Variants in UNC79 observed in about 807,000 individuals in gnomAD.
UNC79 encodes protein unc-79 homolog.
In UNC79, 37 loss-of-function variants were observed where a neutral mutation model predicts 283.1. That is an observed-to-expected ratio of 0.13 (90% confidence interval 0.10 to 0.17). UNC79 has a LOEUF of 0.17. Among genes scored for constraint, UNC79 ranks in the 10% least tolerant of loss-of-function variants. The pLI, the probability that UNC79 is intolerant of heterozygous loss-of-function variation, is 1.00. For synonymous variants in UNC79, 1,107 were observed against 1,200.2 expected (o/e 0.92, Z 1.61); for missense variants, 2,272 against 3,211.1 (o/e 0.71, Z 7.07).
chr14:93,688,292 G>A lies in UNC79; in HGVS notation c.6910-373G>A, dbSNP rs7142840. Among the ~76,000 whole-genome samples, 486 of 152,276 alleles carry A rather than the reference G, an allele frequency of 3.2e-3. 3 individuals carry two copies. Among genetic ancestry groups the A allele is most frequent in the African/African-American group, 0.011 (460 of 41,562 alleles). ...GGCAGAAGGCAGCACGGACCTGGCC[G>A]GGGAGGTCAGGGAAGGCTTCCCAGA... On this transcript the variant is annotated intron_variant, in intron 43 of 48. Transcript: ENST00000555664. This position sits in a 1 kb window ranked among gnomAD's most constrained non-coding sequence, Gnocchi z 4.0.
At chr14:93,447,136 C>G (rs753797644) in intron 1 of UNC79, among the ~76,000 whole-genome samples, 1 of 151,776 alleles carries the variant, frequency 6.6e-6, no homozygotes, top group African/African-American at 2.4e-5. Context: ...CTTTTTTATC[C>G]TTGTTAATAT....
intron 14 of UNC79, among the ~76,000 whole-genome samples, chr14:93,569,029 G>C (rs1018247278): frequency 6.6e-6 from 1 of 152,178 alleles, no homozygotes; most frequent in African/African-American, 2.4e-5. Context: ...TTATCAGGAG[G>C]GGAAGTAAAT....
intron 16 of UNC79, 62 bp downstream of exon 16, chr14:93,572,878 C>T (rs2141620868): frequency 6.3e-7 from 1 of 1,578,878 alleles, no homozygotes; most frequent in African/African-American, 1.4e-5. Flanking sequence ...GCTTTAGATC[C>T]CTGGATCGAG....
At chr14:93,534,138 T>A (rs4905076) in intron 11 of UNC79, among the ~76,000 whole-genome samples, 4 of 152,008 alleles carry the variant, frequency 2.6e-5, no homozygotes, top group Admixed American at 6.5e-5. Flanking sequence ...CTATAGCAGC[T>A]CCAGCCATAA....
intron 11 of UNC79, among the ~76,000 whole-genome samples, chr14:93,536,549 A>G (rs754626770): frequency 6.6e-6 from 1 of 152,196 alleles, no homozygotes; most frequent in Non-Finnish European, 1.5e-5. Context: ...TCAATCTACA[A>G]TGGTATAATT....
chr14:93,396,539 T>C (rs1167776058), intron 1 of UNC79, among the ~76,000 whole-genome samples: 4 of 152,120 alleles, frequency 2.6e-5, no homozygotes, highest in African/African-American at 9.7e-5. Flanking sequence ...TTTTAAGTAG[T>C]ATAGTAGTTC....
chr14:93,415,492 G>T (rs2055432946), intron 1 of UNC79, among the ~76,000 whole-genome samples: 1 of 152,006 alleles, frequency 6.6e-6, no homozygotes, highest in Non-Finnish European at 1.5e-5. Flanking sequence ...TTTTTTGGTT[G>T]TGTCTCTGCC....
intron 14 of UNC79, among the ~76,000 whole-genome samples, chr14:93,558,100 G>T (rs1287813031): frequency 6.6e-6 from 1 of 152,204 alleles, no homozygotes; most frequent in African/African-American, 2.4e-5. Context: ...TGACCAATCT[G>T]CAGGGCTGGC....
intron 36 of UNC79, 25 bp downstream of exon 39, chr14:93,653,879 G>GCACCACAAATTTGCCTCATCCCAGA: frequency 6.2e-7 from 1 of 1,614,030 alleles, no homozygotes; most frequent in Non-Finnish European, 8.5e-7. Flanking sequence ...GAGGATCCAG[G>GCACCACAAATTTGCCTCATCCCAGA]CACCACAAAT....
intron 1 of UNC79, among the ~76,000 whole-genome samples, chr14:93,335,437 C>T (rs556669524): frequency 1.3e-5 from 2 of 152,330 alleles, no homozygotes; most frequent in African/African-American, 2.4e-5. Context: ...GATCTTTGTA[C>T]TTAAGGAGCT....
chr14:93,503,922 A>T (rs1392199262), intron 7 of UNC79, among the ~76,000 whole-genome samples: 1 of 151,774 alleles, frequency 6.6e-6, no homozygotes, highest in Non-Finnish European at 1.5e-5. Flanking sequence ...CATCTTTTAG[A>T]TGTATCTGGA....
intron 1 of UNC79, among the ~76,000 whole-genome samples, chr14:93,340,315 G>A (rs1240513821): frequency 6.6e-6 from 1 of 152,000 alleles, no homozygotes; most frequent in Non-Finnish European, 1.5e-5. Context: ...GGTGGCGGGT[G>A]CCTGTAGTCC....
chr14:93,698,476 G>GATTTT lies in UNC79; in HGVS notation c.7548+4064_7548+4065insATTTT, dbSNP rs1555408706. Among the ~76,000 whole-genome samples the GATTTT allele has an allele frequency of 3.9e-4, 31 of 79,112 alleles. 2 individuals carry two copies. Among genetic ancestry groups the GATTTT allele is most frequent in the South Asian group, 1.8e-3 (3 of 1,664 alleles). The allele number at this position is 79,112 out of a possible 152,430, so 51.9% of individuals were successfully genotyped here. A position where few individuals can be genotyped will look rare whatever the true frequency, so the allele number is the denominator to read the frequency against. On this transcript the variant is annotated intron_variant, in intron 47 of 48. Coordinates refer to ENST00000555664, the Ensembl canonical transcript of UNC79. ...TGGTAATATTTTTAGTTTAGTTTAG[G>GATTTT]TTTTTTTTTTTTTTTTTTTTTTTTT...
At chr14:93,550,159 TG>T (rs1284186868) in intron 14 of UNC79, among the ~76,000 whole-genome samples, 1 of 152,136 alleles carries the variant, frequency 6.6e-6, no homozygotes, top group Non-Finnish European at 1.5e-5. Context: ...TACACAAGGT[TG>T]GTTTATAAAT....
At chr14:93,612,668 A>T in intron 26 of UNC79, 129 bp from the exon 28 acceptor site, 1 of 1,279,026 alleles carries the variant, frequency 7.8e-7, no homozygotes, top group Non-Finnish European at 1.1e-6. Context: ...TAAGTTTCTT[A>T]AAGTCTGTCT....
At chr14:93,479,196 C>T (rs2057975100) in intron 4 of UNC79, among the ~76,000 whole-genome samples, 1 of 146,926 alleles carries the variant, frequency 6.8e-6, no homozygotes, top group Non-Finnish European at 1.5e-5. Flanking sequence ...TCCTTCCTTC[C>T]TTCCTTCCTT....
At chr14:93,667,780 G>A (rs1034772955) in intron 40 of UNC79, among the ~76,000 whole-genome samples, 11 of 152,146 alleles carry the variant, frequency 7.2e-5, no homozygotes, top group African/African-American at 2.7e-4. Context: ...ACTTCTGAAT[G>A]AATAATAGCA....
At chr14:93,333,251 G>A (rs982726592) in exon 1 of UNC79, 1 of 402,372 alleles carries the variant, frequency 2.5e-6, no homozygotes, top group Non-Finnish European at 4.4e-6. Flanking sequence ...CCGGGCGTCG[G>A]GTCGCTGGGA....
rs778769836 is a variant in UNC79 at position 93,634,564 on chromosome 14, A to T, written c.5717-2652A>T. On this transcript the variant is annotated intron_variant, in intron 31 of 48. Coordinates refer to ENST00000555664, the Ensembl canonical transcript of UNC79. ...AAAGGGGATCCCTGGGAGTTCTGAC[A>T]ATGAGCCAGTTAATGAAGCGGCAGC... is the stretch of plus-strand genomic sequence containing the variant. 7.4e-6 allele frequency: 12 copies of T among 1,614,012 alleles called. No homozygotes were observed. The African/African-American group carries it at 1.6e-4, about 22-fold the overall frequency.
Sources: gnomAD v4.1 joint callset for allele counts (sites outside exome capture counted in the v4.1 genomes callset) on GRCh38, gnomAD v4.1.1 for gene constraint, Gnocchi (gnomAD v3.1) non-coding constraint, MANE v1.5 for transcripts, NCBI Gene and HGNC (gene_info 2026-07-23, HGNC 2026-07-21) for gene names.